The following NDUFA3 variants were observed in gnomAD, a reference collection of about 807,000 sequenced individuals.
NDUFA3 encodes the protein NADH dehydrogenase [ubiquinone] 1 alpha subcomplex subunit 3.
Under a neutral mutation model 11.4 loss-of-function variants are expected in NDUFA3, and 10 were observed. That is an observed-to-expected ratio of 0.87 (90% confidence interval 0.54 to 1.48). The LOEUF is 1.48. Among genes scored for constraint, NDUFA3 ranks in the 40% most tolerant of loss-of-function variants. The pLI is 0.00. For missense variants in NDUFA3, 115 were observed against 110.5 expected (o/e 1.04, Z -0.18); for synonymous variants, 39 against 46.9 (o/e 0.83, Z 0.68).
intron 3 of NDUFA3, chr19:54,106,534 T>G (rs1338406279): frequency 4.5e-6 from 2 of 444,794 alleles, no homozygotes; most frequent in Admixed American, 8.2e-5. Flanking sequence ...CTGTGGTGGT[T>G]TCTTGGTCTC....
chr19:54,103,138 C>T lies in NDUFA3; in HGVS notation c.35C>T (p.Ala12Val), dbSNP rs138758439. Residue 12 changes from alanine to valine, a missense_variant, in exon 2 of 4, where the codon GCC (alanine) becomes GTC (valine). Coordinates refer to ENST00000485876, the MANE Select transcript of NDUFA3 (RefSeq NM_004542.4). ...GGAGTCGGCGCCTTCCTCAAGAATG[C>T]CTGGGACAAGGAGCCAGTGCTGGTC... ...AARVGAFLKN[A>V]WDKEPVLVVS... The T allele has an allele frequency of 1.2e-6, 2 of 1,611,392 alleles. No homozygotes were observed. Among genetic ancestry groups the T allele is most frequent in the Admixed American group, 1.7e-5 (1 of 59,664 alleles).
chr19:54,103,590 T>C (rs2073159385), intron 2 of NDUFA3, among the ~76,000 whole-genome samples: 1 of 152,124 alleles, frequency 6.6e-6, no homozygotes, highest in Non-Finnish European at 1.5e-5. Flanking sequence ...CCTTGCTGAT[T>C]GAAAATCTCT....
chr19:54,103,266 C>A (rs1478884130), intron 2 of NDUFA3, 78 bp downstream of exon 2: 3 of 1,421,832 alleles, frequency 2.1e-6, no homozygotes, highest in Non-Finnish European at 2.8e-6. Context: ...ACCCCTAAAG[C>A]CCTATCGCCG....
chr19:54,107,052 A>G lies in NDUFA3; in HGVS notation c.*150A>G. The G allele has an allele frequency of 6.2e-7, 1 of 1,613,454 alleles. No homozygotes were observed. The stretch of plus-strand genomic sequence containing the variant: ...GGGGTCAGTTTATTGGGCATGCGTC[A>G]GTCAGAGGCTGGGCTGGCCAGGGTC... On this transcript the variant is annotated 3_prime_UTR_variant, in exon 4 of 4. Transcript: ENST00000485876.
At chr19:54,106,385 T>C in intron 3 of NDUFA3, 2 of 346,144 alleles carry the variant, frequency 5.8e-6, no homozygotes, top group Non-Finnish European at 1.1e-5. Flanking sequence ...TAGCCAGGAT[T>C]GTCTCGATCT....
At chr19:54,104,423 C>T (rs1377204192) in intron 2 of NDUFA3, among the ~76,000 whole-genome samples, 1 of 152,148 alleles carries the variant, frequency 6.6e-6, no homozygotes, top group African/African-American at 2.4e-5. Flanking sequence ...GCCACTGCGC[C>T]CGGCCAAACT....
intron 2 of NDUFA3, among the ~76,000 whole-genome samples, chr19:54,104,029 T>C (rs1158635458): frequency 6.6e-6 from 1 of 151,800 alleles, no homozygotes; most frequent in Admixed American, 6.6e-5. Context: ...GAGACGGGGT[T>C]TCACCGTGTT....
In NDUFA3 at chr19:54,105,958, C is replaced by T. The variant is rs149383103; in HGVS notation, c.110C>T (p.Pro37Leu). The change falls in exon 3 of 4, where the codon CCC becomes CTC. Residue 37 changes from proline (P) to leucine (L), a missense_variant. Coordinates refer to ENST00000485876, the MANE Select transcript of NDUFA3 (RefSeq NM_004542.4). ...GCTGTAATTCTGCCCCCATTGAGCC[C>T]CTACTTCAAGTACTCCGTCATGATC... ...GLAVILPPLS[P>L]YFKYSVMINK... 3.0e-5 allele frequency: 49 copies of T among 1,613,720 alleles called. No homozygotes were observed. The African/African-American group carries it at 6.0e-4, about 20-fold the overall frequency.
intron 2 of NDUFA3, among the ~76,000 whole-genome samples, chr19:54,103,834 T>TTTTTTG (rs1285768586): frequency 2.1e-5 from 3 of 143,220 alleles, no homozygotes; most frequent in African/African-American, 7.8e-5. Flanking sequence ...GCCCAGCTAA[T>TTTTTTG]TTTTTGTTTT....
Position 54,107,225 on chromosome 19 carries a change from C to G in NDUFA3, c.*323C>G. 6.3e-7 allele frequency: 1 copy of G among 1,577,368 alleles called. No homozygotes were observed. Among genetic ancestry groups the G allele is most frequent in the African/African-American group, 1.4e-5 (1 of 72,758 alleles). On this transcript the variant is annotated 3_prime_UTR_variant, in exon 4 of 4. Transcript: ENST00000485876. ...GGCCTGGGAATCTAGAAAATCCCAT[C>G]AGCTTCACCATTTTTGTTTTCATTT...
At position 54,105,840 on chromosome 19, in the gene NDUFA3, G is replaced by A. The variant is rs1042252180; in HGVS notation, c.86-94G>A. The A allele has an allele frequency of 5.6e-6, 6 of 1,067,390 alleles. No individual in the cohort carries two copies. In the African/African-American group the frequency reaches 9.3e-5, roughly 17 times the overall value. The allele number at this position is 1,067,390 out of a possible 1,614,324, so 66.1% of individuals were successfully genotyped here. On this transcript the variant is annotated intron_variant, in intron 2 of 3. Transcript: ENST00000485876. Reference sequence around the variant, plus strand: ...TGGCCCTCCCTGCTGCCCTCCCCCTGCGCACTTTATCTTCCCTTTGCCAAG... The same window carrying A: ...TGGCCCTCCCTGCTGCCCTCCCCCTACGCACTTTATCTTCCCTTTGCCAAG...
chr19:54,103,050 G>C (rs2073134579), intron 1 of NDUFA3, 64 bp from the exon 2 acceptor site: 1 of 1,571,454 alleles, frequency 6.4e-7, no homozygotes, highest in Non-Finnish European at 8.7e-7. Flanking sequence ...GGGGTGGCAC[G>C]AGAGGGTTAG....
Position 54,107,211 on chromosome 19 carries a change from C to T in NDUFA3, c.*309C>T. On this transcript the variant is annotated 3_prime_UTR_variant, in exon 4 of 4. Transcript: ENST00000485876. Reference sequence around the variant, plus strand: ...ACAAGGTGTTAACAGGCCTGGGAATCTAGAAAATCCCATCAGCTTCACCAT... The same window carrying T: ...ACAAGGTGTTAACAGGCCTGGGAATTTAGAAAATCCCATCAGCTTCACCAT... 6.3e-7 allele frequency: 1 copy of T among 1,582,602 alleles called. No individual in the cohort carries two copies. Among genetic ancestry groups the T allele is most frequent in the East Asian group, 2.2e-5 (1 of 44,466 alleles).
chr19:54,107,247 ATT>A lies in NDUFA3; in HGVS notation c.*348_*349del. On this transcript the variant is annotated 3_prime_UTR_variant, in exon 4 of 4. Coordinates refer to ENST00000485876, the MANE Select transcript of NDUFA3 (RefSeq NM_004542.4). ...CATCAGCTTCACCATTTTTGTTTTC[ATT>A]TTGTTTTGCTTTTTAAAGAGACAGG... is the stretch of plus-strand genomic sequence containing the variant. 1 of 1,565,224 alleles carries A rather than the reference ATT, an allele frequency of 6.4e-7. No individual in the cohort carries two copies. Among genetic ancestry groups the A allele is most frequent in the Non-Finnish European group, 8.6e-7 (1 of 1,156,258 alleles).
rs587714387 is a variant in NDUFA3 at position 54,104,746 on chromosome 19, T to C, written c.86-1188T>C. ...TACTATGGTTTTTTTTGTTTGTTTG[T>C]TTTTGTTTTTTTGAGACGGAGTTTC... On this transcript the variant is annotated intron_variant, in intron 2 of 3. Coordinates refer to ENST00000485876, the MANE Select transcript of NDUFA3 (RefSeq NM_004542.4). Among the ~76,000 whole-genome samples, 11 of 151,570 alleles carry C rather than the reference T, an allele frequency of 7.3e-5. No homozygotes were observed. The South Asian group carries it at 1.0e-3, about 14-fold the overall frequency.
At chr19:54,106,176 TTC>T (rs2073254784) in intron 3 of NDUFA3, 165 bp downstream of exon 3, 1 of 662,622 alleles carries the variant, frequency 1.5e-6, no homozygotes. Context: ...TCGTATACTA[TTC>T]TGTGTTTGTG....
At chr19:54,104,807 C>T (rs1338618038) in intron 2 of NDUFA3, among the ~76,000 whole-genome samples, 3 of 151,128 alleles carry the variant, frequency 2.0e-5, no homozygotes, top group East Asian at 2.0e-4. Flanking sequence ...GGCCTGATCT[C>T]GGCTCACTGC....
At chr19:54,103,231 G>A (rs1450996301) in intron 2 of NDUFA3, 43 bp downstream of exon 2, 1 of 1,545,866 alleles carries the variant, frequency 6.5e-7, no homozygotes, top group Admixed American at 1.9e-5. Flanking sequence ...GTCCACCCCC[G>A]TCCCCCTACA....
chr19:54,105,825 T>C lies in NDUFA3; in HGVS notation c.86-109T>C, dbSNP rs2073242119. The C allele has an allele frequency of 4.4e-6, 4 of 906,098 alleles. No homozygotes were observed. The South Asian group carries it at 5.6e-5, about 13-fold the overall frequency. 56.1% of individuals were successfully genotyped at this position (906,098 alleles called of 1,614,324 possible). On this transcript the variant is annotated intron_variant, in intron 2 of 3. Coordinates refer to ENST00000485876, the MANE Select transcript of NDUFA3 (RefSeq NM_004542.4). ...TCCTCCTGGACGTGCTGGCCCTCCCTGCTGCCCTCCCCCTGCGCACTTTAT... is the reference window on the plus strand; with the variant it reads ...TCCTCCTGGACGTGCTGGCCCTCCCCGCTGCCCTCCCCCTGCGCACTTTAT...
Sources: allele counts gnomAD v4.1 joint callset (sites outside exome capture counted in the v4.1 genomes callset), GRCh38; gene constraint gnomAD v4.1.1; transcripts MANE v1.5; gene names NCBI Gene and HGNC (gene_info 2026-07-23, HGNC 2026-07-21).